TLE5: variants seen among roughly 807,000 people sequenced by gnomAD.
TLE5 encodes the protein TLE family member 5, transcriptional modulator, also known as TLE family member 5.
In TLE5, 7 loss-of-function variants were observed where a neutral mutation model predicts 25.8. The ratio of observed to expected loss-of-function variants is 0.27; its 90% CI spans 0.15 to 0.51. The LOEUF (loss-of-function observed/expected upper bound fraction) is 0.51. Ranked by LOEUF, TLE5 falls within the 20% of genes least tolerant of loss-of-function variation. The probability of loss-of-function intolerance (pLI) is 0.97; values close to 1 mark genes in which losing one functional copy is unlikely to be tolerated. For synonymous variants in TLE5, 132 were observed against 110.5 expected (o/e 1.20, Z -1.22); for missense variants, 149 against 250.7 (o/e 0.59, Z 2.74).
rs1568267258 is a variant in TLE5 at position 3,062,242 on chromosome 19, G to A, written c.-42C>T. 4 of 1,088,288 alleles carry A rather than the reference G, an allele frequency of 3.7e-6. No homozygotes were observed. Among genetic ancestry groups the A allele is most frequent in the African/African-American group, 1.7e-5 (1 of 59,226 alleles). 67.4% of individuals were successfully genotyped at this position (1,088,288 alleles called of 1,614,324 possible). A position where few individuals can be genotyped will look rare whatever the true frequency, so the allele number is the denominator to read the frequency against. On this transcript the variant is annotated 5_prime_UTR_variant, in exon 1 of 7. Coordinates refer to ENST00000327141, the MANE Select transcript of TLE5 (RefSeq NM_001130.6). ...GGCGCGGGCTGCGCCCCGGCTGTGCGCCCCGGCTCGGGCTGCTGGGGGCGC... is the reference window on the plus strand; with the variant it reads ...GGCGCGGGCTGCGCCCCGGCTGTGCACCCCGGCTCGGGCTGCTGGGGGCGC...
chr19:3,054,524 T>C (rs910544930), intron 5 of TLE5: 6 of 457,440 alleles, frequency 1.3e-5, no homozygotes, highest in Non-Finnish European at 2.4e-5. Flanking sequence ...CACAGCCACC[T>C]GCAAAGATGT....
chr19:3,056,726 A>T (rs2090222850), intron 3 of TLE5: 1 of 384,992 alleles, frequency 2.6e-6, no homozygotes, highest in East Asian at 8.4e-5. Context: ...CCCAGACGCC[A>T]GGGAAGTTTG....
upstream of TLE5, chr19:3,062,528 T>A (rs1383544467): frequency 3.0e-6 from 2 of 665,104 alleles, no homozygotes; most frequent in African/African-American, 4.0e-5. Context: ...AGGCTTCGGC[T>A]CCACCTGCCG....
chr19:3,053,896 C>T lies in TLE5; in HGVS notation c.517G>A (p.Ala173Thr), dbSNP rs1599266959. ...TTCTTGTCTTCCTTGGAGAGGTGGGCCTGGGAACCCAGCGCGGACAGCGAG... is the reference window on the plus strand; with the variant it reads ...TTCTTGTCTTCCTTGGAGAGGTGGGTCTGGGAACCCAGCGCGGACAGCGAG... The part of the protein sequence containing the change: ...LLSLSALGSQ[A>T]HLSKEDKNGH... The change falls in exon 7 of 7, where the codon GCC (alanine) becomes ACC (threonine). Residue 173 changes from alanine to threonine, a missense_variant. Coordinates refer to ENST00000327141, the MANE Select transcript of TLE5 (RefSeq NM_001130.6). The T allele has an allele frequency of 1.2e-6, 2 of 1,613,194 alleles. No homozygotes were observed. The highest frequency in any genetic ancestry group is 2.2e-5 in the East Asian group (1 of 44,870).
Position 3,062,289 on chromosome 19 carries a change from C to T in TLE5, c.-89G>A. Reference sequence around the variant, plus strand: ...GCGCCGGGCGGCCGCGCCTTTGTCCCGGCGCCGATCGGCAGCTCCCGGGGC... The same window carrying T: ...GCGCCGGGCGGCCGCGCCTTTGTCCTGGCGCCGATCGGCAGCTCCCGGGGC... On this transcript the variant is annotated 5_prime_UTR_variant, in exon 1 of 7. Coordinates refer to ENST00000327141, the MANE Select transcript of TLE5 (RefSeq NM_001130.6). The T allele has an allele frequency of 2.0e-6, 2 of 990,268 alleles. No individual in the cohort carries two copies. Among genetic ancestry groups the T allele is most frequent in the South Asian group, 4.6e-5 (1 of 21,958 alleles). 61.3% of individuals were successfully genotyped at this position (990,268 alleles called of 1,614,324 possible).
intron 3 of TLE5, chr19:3,057,325 C>T (rs1410273289): frequency 6.1e-6 from 2 of 325,324 alleles, no homozygotes; most frequent in Non-Finnish European, 1.2e-5. Context: ...ACGCTGGGAC[C>T]TTGGCGGTGG....
chr19:3,056,703 G>A (rs746158937), intron 3 of TLE5: 1 of 446,604 alleles, frequency 2.2e-6, no homozygotes, highest in South Asian at 1.8e-5. Flanking sequence ...TCTATGTCTT[G>A]TCTGCGGGTG....
upstream of TLE5, chr19:3,062,679 G>C: frequency 7.1e-7 from 1 of 1,407,072 alleles, no homozygotes; most frequent in Non-Finnish European, 9.2e-7. Context: ...CCGGGCAGCG[G>C]CCCCCGCCAC....
chr19:3,056,263 A>C (rs933275501), intron 4 of TLE5, 49 bp downstream of exon 4: 9 of 922,522 alleles, frequency 9.8e-6, no homozygotes, highest in East Asian at 7.2e-5. Context: ...AGGTGGGGGG[A>C]GGAGGGGGAA....
At chr19:3,059,343 G>GA (rs2090245648) in intron 2 of TLE5, among the ~76,000 whole-genome samples, 1 of 152,010 alleles carries the variant, frequency 6.6e-6, no homozygotes, top group African/African-American at 2.4e-5. Flanking sequence ...CCAACATAAC[G>GA]AAAGCCCGTC....
Position 3,057,715 on chromosome 19 carries a change from G to C in TLE5, c.153C>G (p.Ala51=), listed in dbSNP as rs1467743441. The part of the protein sequence containing the change: ...HSLKLECDKL[A]SEKSEMQRHY... The stretch of plus-strand genomic sequence containing the variant: ...GACGCTGCATCTCTGACTTCTCACT[G>C]GCCAACTTGTCACATTCGAGCTTGA... Residue 51 remains alanine (A), a synonymous_variant, in exon 3 of 7, where the codon GCC becomes GCG. Coordinates refer to ENST00000327141, the MANE Select transcript of TLE5 (RefSeq NM_001130.6). 1 of 1,613,692 alleles carries C rather than the reference G, an allele frequency of 6.2e-7. No homozygotes were observed. The highest frequency in any genetic ancestry group is 8.5e-7 in the Non-Finnish European group (1 of 1,179,950).
intron 4 of TLE5, 49 bp from the exon 5 acceptor site, chr19:3,055,775 G>A (rs768750026): frequency 1.3e-6 from 2 of 1,554,468 alleles, no homozygotes; most frequent in South Asian, 1.2e-5. Context: ...GGTGGCAGGT[G>A]CAGGCTAGCC....
chr19:3,061,083 C>T (rs954989980), intron 2 of TLE5, 77 bp downstream of exon 2: 10 of 1,102,154 alleles, frequency 9.1e-6, no homozygotes, highest in Non-Finnish European at 1.4e-5. Context: ...CTCCAGGCCT[C>T]AGCCTTGCCA....
Position 3,053,711 on chromosome 19 carries a change from G to C in TLE5, c.*108C>G. 7.6e-7 allele frequency: 1 copy of C among 1,308,318 alleles called. No homozygotes were observed. The highest frequency in any genetic ancestry group is 1.0e-6 in the Non-Finnish European group (1 of 960,438). 81.0% of individuals were successfully genotyped at this position (1,308,318 alleles called of 1,614,324 possible). A position where few individuals can be genotyped will look rare whatever the true frequency, so the allele number is the denominator to read the frequency against. On this transcript the variant is annotated 3_prime_UTR_variant, in exon 7 of 7. Transcript: ENST00000327141. Reference sequence around the variant, plus strand: ...GGCGGCCACCATAAATACTATGGGAGTTTAGCCAATCCCGAGCTCCGCTGT... The same window carrying C: ...GGCGGCCACCATAAATACTATGGGACTTTAGCCAATCCCGAGCTCCGCTGT...
At chr19:3,056,662 AC>A (rs1489300791) in intron 3 of TLE5, 1 of 589,100 alleles carries the variant, frequency 1.7e-6, no homozygotes, top group Non-Finnish European at 3.2e-6. Context: ...CCGCGAGAAC[AC>A]GCATTCCAGG....
At chr19:3,061,897 G>T (rs2090273094) in intron 1 of TLE5, among the ~76,000 whole-genome samples, 2 of 141,128 alleles carry the variant, frequency 1.4e-5, no homozygotes, top group Non-Finnish European at 3.1e-5. Flanking sequence ...GGGGGGGGGG[G>T]GCGCCAAGCC....
chr19:3,056,210 G>GGGCC, intron 4 of TLE5, 102 bp downstream of exon 4: 1 of 823,716 alleles, frequency 1.2e-6, no homozygotes, highest in Non-Finnish European at 1.9e-6. Context: ...GCCCAGCCGA[G>GGGCC]GGCCGGCCGC....
chr19:3,062,955 C>G (rs912799779), upstream of TLE5: 1 of 789,278 alleles, frequency 1.3e-6, no homozygotes, highest in Non-Finnish European at 2.1e-6. Context: ...TGTGCCAGGC[C>G]CCGCTGCTCC....
At position 3,057,747 on chromosome 19, in the gene TLE5, G is replaced by A; in HGVS notation, c.126-5C>T. ...TTGTCACATTCGAGCTTGAGGCTGAGGAGGCACAGGGGGGAGATGGGGTGG... is the reference window on the plus strand; with the variant it reads ...TTGTCACATTCGAGCTTGAGGCTGAAGAGGCACAGGGGGGAGATGGGGTGG... On this transcript the variant is annotated splice_polypyrimidine_tract_variant and splice_region_variant and intron_variant, in intron 2 of 6. Transcript: ENST00000327141. 2 of 1,613,558 alleles carry A rather than the reference G, an allele frequency of 1.2e-6. No individual in the cohort carries two copies. Among genetic ancestry groups the A allele is most frequent in the South Asian group, 1.1e-5 (1 of 91,080 alleles).
Sources: gnomAD v4.1 joint callset for allele counts (sites outside exome capture counted in the v4.1 genomes callset) on GRCh38, gnomAD v4.1.1 for gene constraint, MANE v1.5 for transcripts, NCBI Gene and HGNC (gene_info 2026-07-23, HGNC 2026-07-21) for gene names.